The following MAP2K5 variants were observed in gnomAD, a reference collection of about 807,000 sequenced individuals.
The protein encoded by MAP2K5 is mitogen-activated protein kinase kinase 5.
A neutral mutation model predicts 83.1 loss-of-function variants in MAP2K5; 49 were observed. The observed-to-expected ratio is 0.59, with a 90% CI of 0.47 to 0.75. MAP2K5 has a LOEUF of 0.75. Ranked by LOEUF, MAP2K5 falls within the 30% of genes least tolerant of loss-of-function variation. The pLI is 0.00. For synonymous variants in MAP2K5, 202 were observed against 191.8 expected (o/e 1.05, Z -0.44); for missense variants, 457 against 557.5 (o/e 0.82, Z 1.82).
At chr15:67,622,391 G>A (rs925609962) in intron 8 of MAP2K5, among the ~76,000 whole-genome samples, 1 of 152,078 alleles carries the variant, frequency 6.6e-6, no homozygotes, top group Admixed American at 6.6e-5. Context: ...AGATCAGTGA[G>A]GTAACTAACC....
intron 13 of MAP2K5, among the ~76,000 whole-genome samples, chr15:67,687,704 C>G (rs1202915297): frequency 6.6e-6 from 1 of 152,180 alleles, no homozygotes; most frequent in African/African-American, 2.4e-5. Flanking sequence ...GGAGCTCCTT[C>G]TCAGGCCAAA....
At chr15:67,600,253 T>A (rs80257409) in intron 7 of MAP2K5, among the ~76,000 whole-genome samples, 52 of 152,304 alleles carry the variant, frequency 3.4e-4, no homozygotes, top group Non-Finnish European at 6.5e-4. Context: ...CTGAGGAGTT[T>A]TCTAGGGCTG....
intron 9 of MAP2K5, among the ~76,000 whole-genome samples, chr15:67,632,116 T>C (rs1287294777): frequency 7.6e-6 from 1 of 131,954 alleles, no homozygotes; most frequent in Non-Finnish European, 1.6e-5. Context: ...TTTTTTTTGA[T>C]TGAGACAGGG....
chr15:67,649,085 G>A (rs371756871), intron 11 of MAP2K5, among the ~76,000 whole-genome samples: 13 of 152,144 alleles, frequency 8.5e-5, no homozygotes, highest in African/African-American at 2.4e-4. Flanking sequence ...TTGTGGGCTT[G>A]TAGTGTGACA....
chr15:67,681,546 T>C (rs1381046309), intron 13 of MAP2K5, among the ~76,000 whole-genome samples: 2 of 152,220 alleles, frequency 1.3e-5, no homozygotes, highest in African/African-American at 2.4e-5. Flanking sequence ...AAAAGGAGTA[T>C]TGGATATTAA....
rs8028313 is a variant in MAP2K5, at chr15:67,750,719, C to G, written c.1134+2118C>G. Among the ~76,000 whole-genome samples, 42,504 of 152,022 alleles carry G rather than the reference C, an allele frequency of 0.28. 6,748 individuals carry two copies. The highest frequency in any genetic ancestry group is 0.53 in the East Asian group (2,707 of 5,156). ...ACTGCTTGCCAGGGCTAAGTCTTCC[C>G]CTTTAGTTCCCACAGGGCAATTAGC... On this transcript the variant is annotated intron_variant, in intron 19 of 21. Transcript: ENST00000178640. This position sits in a 1 kb window ranked among gnomAD's most constrained non-coding sequence, Gnocchi z 4.2.
In MAP2K5 at chr15:67,708,244, G is replaced by T. The variant is rs996705338; in HGVS notation, c.1044+4836G>T. ...AGGCTGAGGCAGGAAAATTGCTAGA[G>T]CCTAGGAGTTTGAGGCTGCAGTGAG... On this transcript the variant is annotated intron_variant, in intron 16 of 21. Coordinates refer to ENST00000178640, the MANE Select transcript of MAP2K5 (RefSeq NM_145160.3). The surrounding 1 kb of genome is among the most constrained non-coding windows in gnomAD (Gnocchi z 4.9). Among the ~76,000 whole-genome samples the T allele has an allele frequency of 6.6e-6, 1 of 151,672 alleles. No individual in the cohort carries two copies. The highest frequency in any genetic ancestry group is 2.4e-5 in the African/African-American group (1 of 41,242).
intron 3 of MAP2K5, among the ~76,000 whole-genome samples, chr15:67,567,674 T>C (rs1447951695): frequency 2.6e-5 from 4 of 152,202 alleles, no homozygotes; most frequent in Non-Finnish European, 1.5e-5. Flanking sequence ...TAAAGTATTT[T>C]TTTAATTAGA....
At chr15:67,613,261 T>C (rs1255927886) in intron 8 of MAP2K5, among the ~76,000 whole-genome samples, 1 of 152,228 alleles carries the variant, frequency 6.6e-6, no homozygotes, top group African/African-American at 2.4e-5. Context: ...AGACTGGCTT[T>C]GCTAAGGTAT....
chr15:67,796,377 G>T (rs185180511), intron 21 of MAP2K5, among the ~76,000 whole-genome samples: 1 of 152,208 alleles, frequency 6.6e-6, no homozygotes, highest in Non-Finnish European at 1.5e-5. Context: ...ATGGCTCAGG[G>T]CATCTGCTCA....
chr15:67,639,380 G>T (rs1046274483), intron 9 of MAP2K5, among the ~76,000 whole-genome samples: 23 of 152,106 alleles, frequency 1.5e-4, no homozygotes, highest in African/African-American at 5.3e-4. Context: ...TAAGCATTTT[G>T]CATGCATTTT....
chr15:67,769,524 C>A lies in MAP2K5; in HGVS notation c.1135-78C>A. The A allele has an allele frequency of 7.8e-7, 1 of 1,279,824 alleles. No homozygotes were observed. The highest frequency in any genetic ancestry group is 1.1e-6 in the Non-Finnish European group (1 of 879,778). 79.3% of individuals were successfully genotyped at this position (1,279,824 alleles called of 1,614,324 possible). A position where few individuals can be genotyped will look rare whatever the true frequency, so the allele number is the denominator to read the frequency against. ...TGTATTCATCTTTATACTCATCCTT[C>A]ACATGGGTGGGTGGGGAATATAAAG... On this transcript the variant is annotated intron_variant, in intron 19 of 21. Transcript: ENST00000178640. The surrounding 1 kb of genome is among the most constrained non-coding windows in gnomAD (Gnocchi z 5.2).
chr15:67,556,121 G>A (rs549317689), intron 2 of MAP2K5, among the ~76,000 whole-genome samples: 3 of 152,188 alleles, frequency 2.0e-5, no homozygotes, highest in Admixed American at 6.5e-5. Context: ...ACTATTTGTC[G>A]TCTTTGCCTG....
chr15:67,613,790 G>A (rs1361205033), intron 8 of MAP2K5, among the ~76,000 whole-genome samples: 3 of 151,688 alleles, frequency 2.0e-5, no homozygotes, highest in Non-Finnish European at 4.4e-5. Context: ...TAATGGAAAC[G>A]GGTTAATATT....
Position 67,748,493 on chromosome 15 carries a change from G to T in MAP2K5, c.1102-76G>T. 2.3e-6 allele frequency: 3 copies of T among 1,280,354 alleles called. No individual in the cohort carries two copies. The highest frequency in any genetic ancestry group is 1.1e-6 in the Non-Finnish European group (1 of 892,582). 79.3% of individuals were successfully genotyped at this position (1,280,354 alleles called of 1,614,324 possible). On this transcript the variant is annotated intron_variant, in intron 18 of 21. Transcript: ENST00000178640. The surrounding 1 kb of genome is among the most constrained non-coding windows in gnomAD (Gnocchi z 4.0). ...TCTTGCTATATTTTATTGCATTAAT[G>T]ATTTTTTCTTTCCACTCCACTGTAA...
intron 3 of MAP2K5, among the ~76,000 whole-genome samples, chr15:67,564,358 A>G (rs2084797980): frequency 6.6e-6 from 1 of 152,132 alleles, no homozygotes. Context: ...AATCATGTGG[A>G]AATGATGGAA....
At chr15:67,805,694 C>T (rs773098200) in intron 21 of MAP2K5, among the ~76,000 whole-genome samples, 2 of 152,198 alleles carry the variant, frequency 1.3e-5, no homozygotes, top group Admixed American at 6.5e-5. Flanking sequence ...TCTCTGTCCT[C>T]GCTATGGCTC....
chr15:67,757,933 A>C lies in MAP2K5; in HGVS notation c.1134+9332A>C, dbSNP rs528155632. 9.2e-5 allele frequency among the ~76,000 whole-genome samples: 14 copies of C among 152,306 alleles called. No individual in the cohort carries two copies. The East Asian group carries it at 2.7e-3, about 29-fold the overall frequency. On this transcript the variant is annotated intron_variant, in intron 19 of 21. Coordinates refer to ENST00000178640, the MANE Select transcript of MAP2K5 (RefSeq NM_145160.3). This position sits in a 1 kb window ranked among gnomAD's most constrained non-coding sequence, Gnocchi z 4.9. ...GAGGAGAGGAGACTGAAGGATAGCC[A>C]ATAAGAGTTAGCCTTGGAGAGATCT... is the stretch of plus-strand genomic sequence containing the variant.
chr15:67,550,668 A>C (rs370981362), intron 2 of MAP2K5, among the ~76,000 whole-genome samples: 1 of 151,832 alleles, frequency 6.6e-6, no homozygotes, highest in Non-Finnish European at 1.5e-5. Context: ...TCATGCTACG[A>C]TGAGATAGTC....
Sources: allele counts gnomAD v4.1 joint callset (sites outside exome capture counted in the v4.1 genomes callset), GRCh38; gene constraint gnomAD v4.1.1; non-coding constraint Gnocchi (gnomAD v3.1); transcripts MANE v1.5; gene names NCBI Gene and HGNC (gene_info 2026-07-23, HGNC 2026-07-21).